GABRA3: variants seen among roughly 807,000 people sequenced by gnomAD.
GABRA3 encodes the protein gamma-aminobutyric acid receptor subunit alpha-3.
Under a neutral mutation model 30.1 loss-of-function variants are expected in GABRA3, and 10 were observed. That is an observed-to-expected ratio of 0.33 (90% CI 0.20 to 0.56). The LOEUF is 0.56. Ranked by LOEUF, GABRA3 falls within the 20% of genes least tolerant of loss-of-function variation. The pLI, the probability that GABRA3 is intolerant of heterozygous loss-of-function variation, is 0.89. For synonymous variants in GABRA3, 151 were observed against 146.8 expected, an observed-to-expected ratio of 1.03 and a Z score of -0.21; for missense variants, 233 against 392.0, an observed-to-expected ratio of 0.59 and a Z score of 3.42.
At chrX:152,256,731 C>A (rs1460015227) in intron 4 of GABRA3, among the ~76,000 whole-genome samples, 1 of 111,917 alleles carries the variant, frequency 8.9e-6, no homozygotes, top group Non-Finnish European at 1.9e-5. Context: ...AATTATAAAA[C>A]CTGAACAACA....
chrX:152,423,093 C>T (rs769268459), intron 1 of GABRA3, among the ~76,000 whole-genome samples: 1 of 111,680 alleles, frequency 9.0e-6, no homozygotes, highest in Non-Finnish European at 1.9e-5. Flanking sequence ...GATATTTCAT[C>T]TAATAATGAA....
intron 3 of GABRA3, among the ~76,000 whole-genome samples, chrX:152,296,496 G>C (rs888180368): frequency 7.2e-5 from 8 of 111,425 alleles, no homozygotes; most frequent in African/African-American, 2.6e-4. Context: ...AATTACAAAA[G>C]ATTGTATCAG....
chrX:152,435,915 T>A (rs1000664167), intron 1 of GABRA3, among the ~76,000 whole-genome samples: 1 of 111,318 alleles, frequency 9.0e-6, no homozygotes, highest in Non-Finnish European at 1.9e-5. Context: ...AAATTACCAT[T>A]TATAATAGCA....
chrX:152,346,270 A>G (rs1188450541), intron 2 of GABRA3, among the ~76,000 whole-genome samples: 2 of 111,694 alleles, frequency 1.8e-5, no homozygotes, highest in East Asian at 5.6e-4. Flanking sequence ...CGGTGCTGGG[A>G]AAACTGGATA....
At chrX:152,327,770 C>T (rs1403635356) in intron 3 of GABRA3, among the ~76,000 whole-genome samples, 1 of 111,114 alleles carries the variant, frequency 9.0e-6, no homozygotes, top group Non-Finnish European at 1.9e-5. Context: ...AAATTGACAC[C>T]CTAACATCAC....
intron 6 of GABRA3, among the ~76,000 whole-genome samples, chrX:152,215,901 A>G (rs1249360881): frequency 3.6e-5 from 4 of 111,473 alleles, no homozygotes; most frequent in African/African-American, 1.3e-4. Context: ...AATATAAAAA[A>G]ATCTGATTTT....
chrX:152,291,806 G>A (rs1294909577), intron 3 of GABRA3, among the ~76,000 whole-genome samples: 1 of 111,677 alleles, frequency 9.0e-6, no homozygotes, highest in Non-Finnish European at 1.9e-5. Context: ...TTATGTGATG[G>A]ATTATGTTTA....
intron 3 of GABRA3, among the ~76,000 whole-genome samples, chrX:152,328,220 G>A (rs184050991): frequency 0.078 from 8,652 of 110,734 alleles, 376 homozygotes; most frequent in Non-Finnish European, 0.12. Context: ...GCCTACCAAC[G>A]AAAAAAAGTC....
At chrX:152,428,043 C>A (rs1930554619) in intron 1 of GABRA3, among the ~76,000 whole-genome samples, 1 of 112,372 alleles carries the variant, frequency 8.9e-6, no homozygotes, top group African/African-American at 3.2e-5. Flanking sequence ...TAAAAGTATT[C>A]TTGTACTTGC....
rs772461575 is a variant in GABRA3 at position 152,345,557 on chromosome X, T to C, written c.262+24A>G. On this transcript the variant is annotated intron_variant, in intron 3 of 9. Coordinates refer to ENST00000370314, the MANE Select transcript of GABRA3 (RefSeq NM_000808.4). ...GCCAAGAAGAAGATCTGAAAAGGAC[T>C]TCAAAGATCTTAAAAGGACTGACCT... 8.4e-6 allele frequency: 10 copies of C among 1,188,566 alleles called. No individual in the cohort carries two copies. In the South Asian group the frequency reaches 1.7e-4, roughly 20 times the overall value.
intron 9 of GABRA3, among the ~76,000 whole-genome samples, chrX:152,176,543 A>G (rs1749568554): frequency 9.0e-6 from 1 of 111,347 alleles, no homozygotes; most frequent in South Asian, 3.8e-4. Context: ...GGTAAGAAAA[A>G]TAAAAGAATT....
chrX:152,226,067 G>A (rs1937947301), intron 5 of GABRA3, among the ~76,000 whole-genome samples: 1 of 111,294 alleles, frequency 9.0e-6, no homozygotes, highest in Non-Finnish European at 1.9e-5. Context: ...AAGCCTGTGG[G>A]GAAGTGTTTT....
At chrX:152,227,692 A>G (rs1475218952) in intron 5 of GABRA3, among the ~76,000 whole-genome samples, 2 of 108,763 alleles carry the variant, frequency 1.8e-5, no homozygotes, top group South Asian at 4.0e-4. Flanking sequence ...GTTGCCTGGA[A>G]CTAAGGATTC....
chrX:152,224,246 A>G (rs1460749177), intron 6 of GABRA3, among the ~76,000 whole-genome samples: 2 of 112,123 alleles, frequency 1.8e-5, no homozygotes, highest in Admixed American at 9.5e-5. Context: ...TATATTTACT[A>G]CTTTTTCTGT....
At chrX:152,440,262 T>C (rs1250488293) in intron 1 of GABRA3, among the ~76,000 whole-genome samples, 4 of 112,295 alleles carry the variant, frequency 3.6e-5, no homozygotes, top group Non-Finnish European at 7.5e-5. Flanking sequence ...AACAAACATA[T>C]GAAAGAAAGC....
At chrX:152,433,687 A>T (rs1292785589) in intron 1 of GABRA3, among the ~76,000 whole-genome samples, 1 of 100,247 alleles carries the variant, frequency 1.0e-5, no homozygotes, top group Non-Finnish European at 2.0e-5. Context: ...GAATTCAATG[A>T]AATAGAATGA....
rs1936961695 is a variant in GABRA3, at chrX:152,168,365, T to C, written c.1342A>G (p.Thr448Ala). The C allele has an allele frequency of 8.3e-7, 1 of 1,209,978 alleles. No individual in the cohort carries two copies. Among genetic ancestry groups the C allele is most frequent in the African/African-American group, 1.8e-5 (1 of 57,111 alleles). The change falls in exon 10 of 10, where the codon ACC becomes GCC. Residue 448 changes from threonine (T) to alanine (A), a missense_variant. Thr to Ala is a moderately conservative substitution (Grantham distance 58). Around this residue, in one of 6 missense-constraint regions of GABRA3, gnomAD observed 18 missense variants for 38.5 expected, o/e 0.47. Coordinates refer to ENST00000370314, the MANE Select transcript of GABRA3 (RefSeq NM_000808.4). ...YVQDSPTETK[T>A]YNSVSKVDKI... ...TCAACCTTGCTGACACTGTTGTAGG[T>C]CTTGGTCTCAGTCGGGCTGTCCTGC...
chrX:152,374,814 T>C (rs1400909823), intron 1 of GABRA3, among the ~76,000 whole-genome samples: 2 of 111,848 alleles, frequency 1.8e-5, no homozygotes, highest in Admixed American at 9.5e-5. Context: ...TTAATTTTTG[T>C]ATAAGGTATA....
At chrX:152,430,575 T>A (rs776438244) in intron 1 of GABRA3, among the ~76,000 whole-genome samples, 16 of 111,432 alleles carry the variant, frequency 1.4e-4, no homozygotes, top group Non-Finnish European at 2.8e-4. Flanking sequence ...ACCTTTGATA[T>A]CTTCAAGGAA....
Sources: gnomAD v4.1 joint callset for allele counts (sites outside exome capture counted in the v4.1 genomes callset) on GRCh38, gnomAD v4.1.1 for gene constraint, gnomAD v4.1.1 regional missense constraint, MANE v1.5 for transcripts, NCBI Gene and HGNC (gene_info 2026-07-23, HGNC 2026-07-21) for gene names.